The following ZFHX3 variants were observed in gnomAD, a reference collection of about 807,000 sequenced individuals.
ZFHX3 encodes the protein zinc finger homeobox protein 3.
A neutral mutation model predicts 279.1 loss-of-function variants in ZFHX3; 42 were observed. The observed-to-expected ratio is 0.15, with a 90% CI of 0.12 to 0.19. The LOEUF (loss-of-function observed/expected upper bound fraction) is 0.19. Among genes scored for constraint, ZFHX3 ranks in the 10% least tolerant of loss-of-function variants. The pLI is 1.00. For synonymous variants in ZFHX3, 2,293 were observed against 1,957.8 expected, an observed-to-expected ratio of 1.17 and a Z score of -4.52; for missense variants, 4,981 against 4,754.0, an observed-to-expected ratio of 1.05 and a Z score of -1.40.
intron 6 of ZFHX3, among the ~76,000 whole-genome samples, chr16:73,134,332 T>TTC (rs1491295410): frequency 1.4e-4 from 1 of 7,158 alleles, no homozygotes; most frequent in East Asian, 7.6e-4. Flanking sequence ...TCCCCACCTC[T>TTC]TTTTTTTTTT....
At chr16:72,881,365 T>C (rs980085475) in intron 4 of ZFHX3, among the ~76,000 whole-genome samples, 1 of 150,886 alleles carries the variant, frequency 6.6e-6, no homozygotes, top group Non-Finnish European at 1.5e-5. Flanking sequence ...CACAAAACTT[T>C]CCACTGCTCG....
chr16:73,036,822 G>GA (rs1334538713), intron 1 of ZFHX3, among the ~76,000 whole-genome samples: 15 of 151,960 alleles, frequency 9.9e-5, no homozygotes, highest in African/African-American at 2.4e-4. Flanking sequence ...GATTTAAAAT[G>GA]AAAAAAAATA....
At chr16:72,960,489 G>C (rs1383014273) in intron 1 of ZFHX3, among the ~76,000 whole-genome samples, 1 of 152,156 alleles carries the variant, frequency 6.6e-6, no homozygotes, top group Non-Finnish European at 1.5e-5. Flanking sequence ...AGACTAGCGG[G>C]AATTTCCATT....
upstream of ZFHX3, chr16:73,061,842 T>C (rs1965687770): frequency 6.6e-6 from 1 of 152,224 alleles, no homozygotes; most frequent in East Asian, 1.9e-4. Context: ...AGCTTGTTTC[T>C]TATATAAAAC....
chr16:72,844,859 G>C (rs1209681557), intron 4 of ZFHX3, among the ~76,000 whole-genome samples: 1 of 151,922 alleles, frequency 6.6e-6, no homozygotes, highest in Admixed American at 6.6e-5. Flanking sequence ...CGAAAACCCT[G>C]CCCCGCCCCC....
intron 2 of ZFHX3, among the ~76,000 whole-genome samples, chr16:73,463,161 C>T (rs1305175466): frequency 3.9e-5 from 6 of 152,168 alleles, no homozygotes; most frequent in Admixed American, 3.9e-4. Flanking sequence ...ACCCTGATAC[C>T]TTAAAATCAT....
intron 1 of ZFHX3, among the ~76,000 whole-genome samples, chr16:73,057,794 G>A (rs1965591458): frequency 1.3e-5 from 2 of 151,022 alleles, no homozygotes; most frequent in Admixed American, 6.6e-5. Flanking sequence ...CCGGGACCCC[G>A]TGGCTCCGAA....
intron 2 of ZFHX3, among the ~76,000 whole-genome samples, chr16:73,467,714 G>GA (rs1332611442): frequency 6.6e-6 from 1 of 152,000 alleles, no homozygotes; most frequent in African/African-American, 2.4e-5. Flanking sequence ...ATAGAAAATT[G>GA]AAAAAAAGTT....
In ZFHX3 at chr16:72,833,286, A is replaced by G. The variant is rs757456620; in HGVS notation, c.3449-3427T>C. Among the ~76,000 whole-genome samples the G allele has an allele frequency of 2.6e-5, 4 of 152,172 alleles. No individual in the cohort carries two copies. The East Asian group carries it at 7.7e-4, about 29-fold the overall frequency. ...TGTTCTCTTTAGGAATGTAGATTTG[A>G]TACACACGTGCTGGAGAATGGAGGG... On this transcript the variant is annotated intron_variant, in intron 4 of 9. Transcript: ENST00000268489.
chr16:72,974,997 T>A (rs1215373489), intron 1 of ZFHX3, among the ~76,000 whole-genome samples: 1 of 151,550 alleles, frequency 6.6e-6, no homozygotes, highest in African/African-American at 2.4e-5. Context: ...GCCCAGAGAG[T>A]TGCTCCTATC....
intron 3 of ZFHX3, among the ~76,000 whole-genome samples, chr16:72,906,347 C>G (rs1167435808): frequency 6.6e-6 from 1 of 152,016 alleles, no homozygotes; most frequent in Non-Finnish European, 1.5e-5. Context: ...AGTGATGACA[C>G]AGGAAGAAGC....
At chr16:73,792,000 TA>T (rs1294451294) in intron 1 of ZFHX3, among the ~76,000 whole-genome samples, 2 of 152,196 alleles carry the variant, frequency 1.3e-5, no homozygotes, top group Non-Finnish European at 2.9e-5. Context: ...TGCCTGGTGA[TA>T]AATCAATGGC....
At chr16:72,917,065 C>T (rs2039459459) in intron 3 of ZFHX3, among the ~76,000 whole-genome samples, 1 of 152,036 alleles carries the variant, frequency 6.6e-6, no homozygotes, top group African/African-American at 2.4e-5. Flanking sequence ...ATGGTGAAAC[C>T]CCATCGCTAC....
chr16:72,953,033 AT>A (rs1224083806), intron 2 of ZFHX3, among the ~76,000 whole-genome samples: 1 of 152,032 alleles, frequency 6.6e-6, no homozygotes, highest in African/African-American at 2.4e-5. Context: ...CAGAGAAAAT[AT>A]TTTTTTCTTT....
chr16:73,346,435 T>A (rs2016124971), intron 3 of ZFHX3, among the ~76,000 whole-genome samples: 1 of 152,164 alleles, frequency 6.6e-6, no homozygotes, highest in Admixed American at 6.5e-5. Context: ...AATCACAGAT[T>A]GGCCAAAACA....
chr16:73,885,678 T>C (rs2030323476), intron 1 of ZFHX3, among the ~76,000 whole-genome samples: 1 of 152,118 alleles, frequency 6.6e-6, no homozygotes, highest in Non-Finnish European at 1.5e-5. Flanking sequence ...TTCCGTAAAG[T>C]AGATTGTATT....
intron 1 of ZFHX3, among the ~76,000 whole-genome samples, chr16:73,031,666 A>G (rs893299024): frequency 3.3e-5 from 5 of 152,196 alleles, no homozygotes; most frequent in African/African-American, 1.2e-4. Flanking sequence ...GCGTGACTGG[A>G]CTCAGAGCCA....
At chr16:73,330,938 G>A (rs139300004) in intron 3 of ZFHX3, among the ~76,000 whole-genome samples, 3 of 152,192 alleles carry the variant, frequency 2.0e-5, no homozygotes, top group African/African-American at 7.2e-5. Flanking sequence ...TAGTGTTCTT[G>A]TTGGTCATGG....
intron 2 of ZFHX3, among the ~76,000 whole-genome samples, chr16:73,547,189 T>G (rs796083619): frequency 3.0e-4 from 45 of 152,204 alleles, no homozygotes; most frequent in African/African-American, 1.1e-3. Context: ...ACATGCCCCA[T>G]TTCCTCCCCT....
Sources: gnomAD v4.1 joint callset for allele counts (sites outside exome capture counted in the v4.1 genomes callset) on GRCh38, gnomAD v4.1.1 for gene constraint, MANE v1.5 for transcripts, NCBI Gene and HGNC (gene_info 2026-07-23, HGNC 2026-07-21) for gene names.